Variants in ZFP28 observed in about 807,000 individuals in gnomAD.
The protein encoded by ZFP28 is ZFP28 zinc finger protein, also known as zinc finger protein 28 homolog.
A neutral mutation model predicts 39.5 loss-of-function variants in ZFP28; 31 were observed. That is an observed-to-expected ratio of 0.79 (90% CI 0.59 to 1.06). The LOEUF (loss-of-function observed/expected upper bound fraction) is 1.06, where lower values mean the gene tolerates loss of function less well. Among genes scored for constraint, ZFP28 ranks in the 50% least tolerant of loss-of-function variants. The pLI is 0.00. For missense variants in ZFP28, 925 were observed against 1,048.4 expected (o/e 0.88, Z 1.63); for synonymous variants, 400 against 378.6 (o/e 1.06, Z -0.66).
At position 56,554,412 on chromosome 19, in the gene ZFP28, A is replaced by G; in HGVS notation, c.1627A>G (p.Arg543Gly). The G allele has an allele frequency of 3.7e-6, 6 of 1,614,192 alleles. No homozygotes were observed. The highest frequency in any genetic ancestry group is 5.1e-6 in the Non-Finnish European group (6 of 1,180,034). The change falls in exon 8 of 8, where the codon AGG becomes GGG. Residue 543 changes from arginine to glycine, a missense_variant. Transcript: ENST00000301318. This position sits in a 1 kb window ranked among gnomAD's most constrained non-coding sequence, Gnocchi z 6.7. ...YKCDVCHKSF[R>G]YGSSLTVHQR... The stretch of plus-strand genomic sequence containing the variant: ...ATGTGATGTATGTCACAAATCCTTC[A>G]GGTATGGTTCCTCCCTTACTGTACA...
At position 56,538,981 on chromosome 19, in the gene ZFP28, G is replaced by C. The variant is rs2044164975; in HGVS notation, c.-38G>C. 3 of 1,373,686 alleles carry C rather than the reference G, an allele frequency of 2.2e-6. No homozygotes were observed. In the African/African-American group the frequency reaches 4.6e-5, roughly 21 times the overall value. 85.1% of individuals were successfully genotyped at this position (1,373,686 alleles called of 1,614,324 possible). ...TGTGGCCAGGGGTGTGGGTCTGTGA[G>C]GGACCGGTCGGAAGGGCGTCGCGCG... On this transcript the variant is annotated 5_prime_UTR_variant, in exon 1 of 8. Transcript: ENST00000301318.
intron 1 of ZFP28, among the ~76,000 whole-genome samples, 176 bp from the exon 2 acceptor site, chr19:56,539,449 A>T (rs527847886): frequency 2.0e-5 from 3 of 152,026 alleles, no homozygotes; most frequent in Non-Finnish European, 4.4e-5. Flanking sequence ...CTCTAACTAG[A>T]CGCTTTTCCT....
Position 56,547,746 on chromosome 19 carries a change from GGGACTGCATCTCAGTCT to G in ZFP28, c.428-56_428-40del. 1 of 1,605,098 alleles carries G rather than the reference GGGACTGCATCTCAGTCT, an allele frequency of 6.2e-7. No homozygotes were observed. The highest frequency in any genetic ancestry group is 8.5e-7 in the Non-Finnish European group (1 of 1,173,558). ...CACTGCCCTCTTGCGTCAAGCCAAGGGGACTGCATCTCAGTCTGGACAGCCACACAGTATGACCAGGT... is the reference window on the plus strand; with the variant it reads ...CACTGCCCTCTTGCGTCAAGCCAAGGGGACAGCCACACAGTATGACCAGGT... On this transcript the variant is annotated intron_variant, in intron 3 of 7. Coordinates refer to ENST00000301318, the MANE Select transcript of ZFP28 (RefSeq NM_020828.2). This position sits in a 1 kb window ranked among gnomAD's most constrained non-coding sequence, Gnocchi z 4.6.
chr19:56,552,070 T>A, intron 7 of ZFP28: 3 of 758,686 alleles, frequency 4.0e-6, no homozygotes, highest in Non-Finnish European at 4.8e-6. Context: ...TATTTCATTT[T>A]TAATGACTAT....
intron 1 of ZFP28, 137 bp downstream of exon 1, chr19:56,539,363 G>A (rs1319877527): frequency 1.0e-6 from 1 of 989,578 alleles, no homozygotes; most frequent in Non-Finnish European, 1.4e-6. Context: ...TGGAGTGGGA[G>A]AATCTGAAGA....
chr19:56,544,226 C>G (rs960504438), intron 2 of ZFP28, among the ~76,000 whole-genome samples: 1 of 152,172 alleles, frequency 6.6e-6, no homozygotes, highest in Non-Finnish European at 1.5e-5. Context: ...AATATAGGAC[C>G]GAACTGGGCA....
At position 56,549,273 on chromosome 19, in the gene ZFP28, G is replaced by A. The variant is rs1040382840; in HGVS notation, c.687+152G>A. 4.5e-5 allele frequency: 39 copies of A among 867,354 alleles called. No homozygotes were observed. The African/African-American group carries it at 5.7e-4, about 13-fold the overall frequency. The allele number at this position is 867,354 out of a possible 1,614,324, so 53.7% of individuals were successfully genotyped here. A position where few individuals can be genotyped will look rare whatever the true frequency, so the allele number is the denominator to read the frequency against. ...ACAGATTATCCCCTCAGAACAGAGA[G>A]TGCCTAATCTCCATACACATAAGAA... On this transcript the variant is annotated intron_variant, in intron 5 of 7. Transcript: ENST00000301318.
At chr19:56,539,475 G>C (rs1426493226) in intron 1 of ZFP28, 150 bp from the exon 2 acceptor site, 3 of 754,172 alleles carry the variant, frequency 4.0e-6, no homozygotes, top group Non-Finnish European at 6.3e-6. Context: ...CGTGCTCCCA[G>C]GGAGGAAAAA....
intron 2 of ZFP28, among the ~76,000 whole-genome samples, chr19:56,543,396 A>T (rs1392550104): frequency 6.8e-6 from 1 of 147,598 alleles, no homozygotes; most frequent in Non-Finnish European, 1.5e-5. Flanking sequence ...ATATATGTAT[A>T]TATAATTTTT....
intron 7 of ZFP28, chr19:56,550,935 A>G (rs2044295829): frequency 7.1e-7 from 1 of 1,411,250 alleles, no homozygotes; most frequent in Non-Finnish European, 9.2e-7. Flanking sequence ...TAAATGGCCT[A>G]TTGTTTTCAT....
Position 56,555,326 on chromosome 19 carries a change from C to T in ZFP28, c.2541C>T (p.Ser847=). ...CGTCAACATGCCCCTCTTTACCTTC[C>T]ACGTCAAATCCTGTGGATCTGTTTC... is the stretch of plus-strand genomic sequence containing the variant. ...GESSTCPSLP[S]TSNPVDLFPK... is the part of the protein sequence containing the mutation. Residue 847 remains serine, a synonymous_variant, in exon 8 of 8, where the codon TCC becomes TCT. Transcript: ENST00000301318. 4.3e-6 allele frequency: 7 copies of T among 1,614,006 alleles called. No homozygotes were observed. Among genetic ancestry groups the T allele is most frequent in the Non-Finnish European group, 5.9e-6 (7 of 1,179,980 alleles).
intron 1 of ZFP28, 75 bp downstream of exon 1, chr19:56,539,301 G>C (rs1414397057): frequency 7.0e-7 from 1 of 1,423,250 alleles, no homozygotes; most frequent in Non-Finnish European, 9.4e-7. Flanking sequence ...GAGGGGGTTG[G>C]GCTCTCGGGG....
chr19:56,547,400 G>C lies in ZFP28; in HGVS notation c.301-108G>C, dbSNP rs1397545598. The C allele has an allele frequency of 6.6e-7, 1 of 1,517,102 alleles. No homozygotes were observed. Among genetic ancestry groups the C allele is most frequent in the Non-Finnish European group, 9.0e-7 (1 of 1,106,250 alleles). The allele number at this position is 1,517,102 out of a possible 1,614,324, so 94.0% of individuals were successfully genotyped here. A position where few individuals can be genotyped will look rare whatever the true frequency, so the allele number is the denominator to read the frequency against. ...CATTCAAAAGTACTGGGGATTAGGA[G>C]TTTAATGTAGGAGTTTTGTCAGGGG... On this transcript the variant is annotated intron_variant, in intron 2 of 7. Coordinates refer to ENST00000301318, the MANE Select transcript of ZFP28 (RefSeq NM_020828.2). This position sits in a 1 kb window ranked among gnomAD's most constrained non-coding sequence, Gnocchi z 4.6.
chr19:56,550,208 A>C (rs2044285431), intron 6 of ZFP28, 27 bp downstream of exon 6: 1 of 1,579,508 alleles, frequency 6.3e-7, no homozygotes, highest in African/African-American at 1.3e-5. Flanking sequence ...CCCATATTTG[A>C]ATCTATCGTC....
chr19:56,544,552 C>A (rs1475882382), intron 2 of ZFP28: 1 of 152,150 alleles, frequency 6.6e-6, no homozygotes. Context: ...TTTGCTGACA[C>A]CTGAAGTGGA....
rs1257649871 is a variant in ZFP28, at chr19:56,539,106, G to T, written c.88G>T (p.Gly30Cys). The T allele has an allele frequency of 1.3e-6, 2 of 1,559,060 alleles. No individual in the cohort carries two copies. Among genetic ancestry groups the T allele is most frequent in the Non-Finnish European group, 1.7e-6 (2 of 1,158,516 alleles). ...CCGCACAAAGCCCCGGGCGGGCCGA[G>T]GCCCGACTGTAGGGACTCCAGCCAC... ...APRTKPRAGR[G>C]PTVGTPATLA... The change falls in exon 1 of 8, where the codon GGC (glycine) becomes TGC (cysteine). Residue 30 changes from glycine to cysteine, a missense_variant. Gly to Cys is a radical substitution (Grantham distance 159, BLOSUM62 -3). Coordinates refer to ENST00000301318, the MANE Select transcript of ZFP28 (RefSeq NM_020828.2).
Position 56,554,649 on chromosome 19 carries a change from T to G in ZFP28, c.1864T>G (p.Cys622Gly). 6.2e-7 allele frequency: 1 copy of G among 1,613,308 alleles called. No homozygotes were observed. Among genetic ancestry groups the G allele is most frequent in the Non-Finnish European group, 8.5e-7 (1 of 1,179,432 alleles). ...TGEKPFECAECGKSFSISSQL... is the reference protein window; with the variant it reads ...TGEKPFECAEGGKSFSISSQL... ...GGAGAAGCCTTTTGAATGTGCGGAG[T>G]GTGGAAAATCCTTCAGCATCAGTTC... The change falls in exon 8 of 8, where the codon TGT becomes GGT. Residue 622 changes from cysteine (C) to glycine (G), a missense_variant. Physicochemically the swap from Cys to Gly is radical, Grantham distance 159. Coordinates refer to ENST00000301318, the MANE Select transcript of ZFP28 (RefSeq NM_020828.2). This position sits in a 1 kb window ranked among gnomAD's most constrained non-coding sequence, Gnocchi z 6.7.
In ZFP28 at chr19:56,547,812, T is replaced by G. The variant is rs1397912243; in HGVS notation, c.433T>G (p.Cys145Gly). ...NYRNLASLGL[C>G]VSKPDVISSL... ...GTTGTTTTTTATGTGTCTAGGACTT[T>G]GTGTTTCTAAGCCCGATGTGATCTC... Residue 145 changes from cysteine (C) to glycine (G), a missense_variant, in exon 4 of 8, where the codon TGT becomes GGT. Transcript: ENST00000301318. This position sits in a 1 kb window ranked among gnomAD's most constrained non-coding sequence, Gnocchi z 4.6. 1 of 1,613,942 alleles carries G rather than the reference T, an allele frequency of 6.2e-7. No homozygotes were observed. The highest frequency in any genetic ancestry group is 1.3e-5 in the African/African-American group (1 of 74,900).
upstream of ZFP28, among the ~76,000 whole-genome samples, chr19:56,538,767 AGGGGCGGGGC>A (rs1176564398): frequency 0.056 from 5,705 of 101,096 alleles, 295 homozygotes; most frequent in Admixed American, 0.11. Context: ...CTCTAGGCTG[AGGGGCGGGGC>A]GGGGCGGGGC....
Sources: allele counts gnomAD v4.1 joint callset (sites outside exome capture counted in the v4.1 genomes callset), GRCh38; gene constraint gnomAD v4.1.1; non-coding constraint Gnocchi (gnomAD v3.1); transcripts MANE v1.5; gene names NCBI Gene and HGNC (gene_info 2026-07-23, HGNC 2026-07-21).